Variants in USP25 observed in about 807,000 individuals in gnomAD.
USP25 encodes ubiquitin carboxyl-terminal hydrolase 25.
In USP25, 85 loss-of-function variants were observed where a neutral mutation model predicts 158.5. That is an observed-to-expected ratio of 0.54 (90% CI 0.45 to 0.64). The LOEUF (loss-of-function observed/expected upper bound fraction) is 0.64, where lower values mean the gene tolerates loss of function less well. USP25 is among the 30% of genes least tolerant of loss of function. The pLI, the probability that USP25 is intolerant of heterozygous loss-of-function variation, is 0.00. For missense variants in USP25, 1,242 were observed against 1,327.3 expected, an observed-to-expected ratio of 0.94 and a Z score of 1.00; for synonymous variants, 464 against 460.4, an observed-to-expected ratio of 1.01 and a Z score of -0.10.
At position 15,868,581 on chromosome 21, in the gene USP25, C is replaced by T. The variant is rs970750940; in HGVS notation, c.2806-1487C>T. Among the ~76,000 whole-genome samples the T allele has an allele frequency of 3.9e-5, 6 of 152,198 alleles. No individual in the cohort carries two copies. The South Asian group carries it at 6.2e-4, about 16-fold the overall frequency. On this transcript the variant is annotated intron_variant, in intron 22 of 25. Transcript: ENST00000400183. ...GACTTGTTTTTAGATTCTGCATATT[C>T]CTCCTATCTTTGTCTTGCTCTAAGT...
chr21:15,737,898 C>T (rs567958336), intron 1 of USP25, among the ~76,000 whole-genome samples: 14 of 151,634 alleles, frequency 9.2e-5, no homozygotes, highest in African/African-American at 2.2e-4. Flanking sequence ...GGTAAATATC[C>T]GAAATTTGAA....
At chr21:15,864,174 AT>A (rs1218337150) in intron 20 of USP25, 93 bp from the exon 21 acceptor site, 1 of 1,208,554 alleles carries the variant, frequency 8.3e-7, no homozygotes, top group African/African-American at 1.6e-5. Flanking sequence ...AAAAAAAAAG[AT>A]TTAAATGCAA....
intron 9 of USP25, among the ~76,000 whole-genome samples, chr21:15,817,750 T>C (rs2037017180): frequency 6.6e-6 from 1 of 151,882 alleles, no homozygotes. Flanking sequence ...ATGAGGCATA[T>C]TCACTACCAC....
At chr21:15,876,134 C>T (rs767631634) in intron 24 of USP25, 1 of 152,112 alleles carries the variant, frequency 6.6e-6, no homozygotes, top group African/African-American at 2.4e-5. Flanking sequence ...ATAGGAGGAA[C>T]AAGGTTGGCT....
At chr21:15,874,039 G>A (rs568697550) in intron 23 of USP25, among the ~76,000 whole-genome samples, 12 of 152,144 alleles carry the variant, frequency 7.9e-5, no homozygotes, top group African/African-American at 2.9e-4. Flanking sequence ...GTGACATTGC[G>A]TTAAACAATT....
chr21:15,859,060 G>A (rs1335743538), intron 20 of USP25, among the ~76,000 whole-genome samples: 1 of 150,834 alleles, frequency 6.6e-6, no homozygotes, highest in Non-Finnish European at 1.5e-5. Context: ...GTTGGCATCT[G>A]GGTACATAGA....
At chr21:15,738,326 T>G (rs1422106630) in intron 1 of USP25, among the ~76,000 whole-genome samples, 1 of 152,230 alleles carries the variant, frequency 6.6e-6, no homozygotes, top group African/African-American at 2.4e-5. Flanking sequence ...TACCAAGCTC[T>G]CTCAAATCCT....
rs563567497 is a variant in USP25 at position 15,780,314 on chromosome 21, A to G, written c.392+2287A>G. 2.0e-5 allele frequency among the ~76,000 whole-genome samples: 3 copies of G among 152,300 alleles called. No individual in the cohort carries two copies. The South Asian group carries it at 6.2e-4, about 32-fold the overall frequency. On this transcript the variant is annotated intron_variant, in intron 4 of 25. Transcript: ENST00000400183. ...TAGGCATTTATACGTTTCATGCTAAAATTTTTTAAGTAGAACGTTTTTAAA... is the reference window on the plus strand; with the variant it reads ...TAGGCATTTATACGTTTCATGCTAAGATTTTTTAAGTAGAACGTTTTTAAA...
At chr21:15,778,502 G>C (rs1215123015) in intron 4 of USP25, among the ~76,000 whole-genome samples, 1 of 152,052 alleles carries the variant, frequency 6.6e-6, no homozygotes, top group African/African-American at 2.4e-5. Flanking sequence ...AATAAATCTT[G>C]ATTTACAAAG....
chr21:15,854,096 C>CT (rs1452174749), intron 20 of USP25, among the ~76,000 whole-genome samples: 12 of 151,868 alleles, frequency 7.9e-5, no homozygotes, highest in African/African-American at 2.9e-4. Flanking sequence ...AATTTTTGTT[C>CT]TTTTTTGTGC....
intron 3 of USP25, among the ~76,000 whole-genome samples, chr21:15,772,034 A>G (rs1019612971): frequency 6.6e-6 from 1 of 152,140 alleles, no homozygotes; most frequent in Non-Finnish European, 1.5e-5. Context: ...TGGGCCAACT[A>G]GGCTTTTGTG....
intron 10 of USP25, among the ~76,000 whole-genome samples, chr21:15,823,257 C>G (rs1285022550): frequency 6.6e-6 from 1 of 151,298 alleles, no homozygotes; most frequent in South Asian, 2.1e-4. Flanking sequence ...AATACATATG[C>G]TTATGTATAA....
At chr21:15,824,202 C>T (rs1225805993) in intron 11 of USP25, 36 bp downstream of exon 11, 1 of 1,602,162 alleles carries the variant, frequency 6.2e-7, no homozygotes. Flanking sequence ...TAGTTTGAAA[C>T]AGTTTAGTAA....
intron 1 of USP25, among the ~76,000 whole-genome samples, chr21:15,737,580 AT>A (rs199972510): frequency 0.01 from 1,528 of 151,744 alleles, 11 homozygotes; most frequent in Middle Eastern, 0.017. Flanking sequence ...GGCTGAAGGT[AT>A]TTTTTTTAAT....
chr21:15,849,883 C>A lies in USP25; in HGVS notation c.2547+11C>A. On this transcript the variant is annotated intron_variant, in intron 20 of 25. Transcript: ENST00000400183. ...GCAGGGTTCTTTAAGGTACAATGAA[C>A]ATTTTCATTTTCGTGTCTTTTCTTT... The A allele has an allele frequency of 1.4e-6, 2 of 1,449,572 alleles. No individual in the cohort carries two copies. The highest frequency in any genetic ancestry group is 1.8e-6 in the Non-Finnish European group (2 of 1,090,908). 89.8% of individuals were successfully genotyped at this position (1,449,572 alleles called of 1,614,324 possible). A position where few individuals can be genotyped will look rare whatever the true frequency, so the allele number is the denominator to read the frequency against.
intron 8 of USP25, among the ~76,000 whole-genome samples, chr21:15,810,858 G>A (rs1298815019): frequency 6.6e-6 from 1 of 152,172 alleles, no homozygotes; most frequent in Non-Finnish European, 1.5e-5. Flanking sequence ...TGCACAAACT[G>A]TGTCAATTTC....
intron 3 of USP25, among the ~76,000 whole-genome samples, chr21:15,768,715 C>G (rs2034178415): frequency 6.6e-6 from 1 of 151,938 alleles, no homozygotes; most frequent in South Asian, 2.1e-4. Flanking sequence ...ATATAAAAAC[C>G]CTTTTTGAGC....
At chr21:15,836,998 AGT>A (rs1313076577) in intron 17 of USP25, among the ~76,000 whole-genome samples, 1 of 99,934 alleles carries the variant, frequency 1.0e-5, no homozygotes, top group East Asian at 3.5e-4. Flanking sequence ...CTTTGCTGTC[AGT>A]GTGTGGATCA....
Position 15,841,388 on chromosome 21 carries a change from A to G in USP25, c.2195-1010A>G, listed in dbSNP as rs996615309. On this transcript the variant is annotated intron_variant, in intron 17 of 25. Transcript: ENST00000400183. ...ATTCGTTCTTCACAATATCCCCAGA[A>G]TAATTTTTTAAAAACTGCTATGTTG... is the stretch of plus-strand genomic sequence containing the variant. 3.3e-5 allele frequency among the ~76,000 whole-genome samples: 5 copies of G among 152,176 alleles called. No homozygotes were observed. In the East Asian group the frequency reaches 7.7e-4, roughly 23 times the overall value.
Sources: gnomAD v4.1 joint callset for allele counts (sites outside exome capture counted in the v4.1 genomes callset) on GRCh38, gnomAD v4.1.1 for gene constraint, MANE v1.5 for transcripts, NCBI Gene and HGNC (gene_info 2026-07-23, HGNC 2026-07-21) for gene names.